SMC6: variants seen among roughly 807,000 people sequenced by gnomAD.
SMC6 encodes the protein structural maintenance of chromosomes 6, also known as structural maintenance of chromosomes protein 6.
A neutral mutation model predicts 142.2 loss-of-function variants in SMC6; 79 were observed. The ratio of observed to expected loss-of-function variants is 0.56; its 90% CI spans 0.46 to 0.67. SMC6 has a LOEUF of 0.67. Among genes scored for constraint, SMC6 ranks in the 30% least tolerant of loss-of-function variants. The pLI is 0.00. For synonymous variants in SMC6, 411 were observed against 412.4 expected, an observed-to-expected ratio of 1.00 and a Z score of 0.04; for missense variants, 1,072 against 1,284.0, an observed-to-expected ratio of 0.83 and a Z score of 2.52.
At position 17,664,323 on chromosome 2, in the gene SMC6, A is replaced by C. The variant is rs1450312116; in HGVS notation, c.*1176T>G. 1 of 152,186 alleles carries C rather than the reference A, an allele frequency of 6.6e-6. No individual in the cohort carries two copies. Among genetic ancestry groups the C allele is most frequent in the Non-Finnish European group, 1.5e-5 (1 of 68,042 alleles). 9.4% of individuals were successfully genotyped at this position (152,186 alleles called of 1,614,324 possible). A position where few individuals can be genotyped will look rare whatever the true frequency, so the allele number is the denominator to read the frequency against. ...TTTGGCAAACCTCAATTTAAGACTA[A>C]AGTATCTTAAACTTCTTCCTCCACC... On this transcript the variant is annotated 3_prime_UTR_variant, in exon 28 of 28. Transcript: ENST00000448223.
rs575124021 is a variant in SMC6, at chr2:17,700,340, C to A, written c.2262G>T (p.Met754Ile). 1 of 1,607,232 alleles carries A rather than the reference C, an allele frequency of 6.2e-7. No homozygotes were observed. The highest frequency in any genetic ancestry group is 1.3e-5 in the African/African-American group (1 of 74,432). The change falls in exon 21 of 28, where the codon ATG (methionine) becomes ATT (isoleucine). Residue 754 changes from methionine (M) to isoleucine (I), a missense_variant. Physicochemically the swap from Met to Ile is conservative, Grantham distance 10. Around this residue, in one of 3 missense-constraint regions of SMC6, gnomAD observed 994 missense variants for 1,153.2 expected, o/e 0.86. Transcript: ENST00000448223. ...TTTGTTGCTCCATATGTTCCTCAAC[C>A]ATTTTCATTTTGCTTTTATTTTCCT... Reference protein sequence around the residue: ...EAQENKSKMKMVEEHMEQQKE... With the variant: ...EAQENKSKMKIVEEHMEQQKE...
At chr2:17,721,972 T>C (rs1485900304) in intron 9 of SMC6, among the ~76,000 whole-genome samples, 1 of 152,204 alleles carries the variant, frequency 6.6e-6, no homozygotes, top group East Asian at 1.9e-4. Context: ...ACAATTTCTG[T>C]AGCTTATGGA....
At chr2:17,704,251 A>G (rs1474094690) in intron 18 of SMC6, among the ~76,000 whole-genome samples, 1 of 152,198 alleles carries the variant, frequency 6.6e-6, no homozygotes, top group African/African-American at 2.4e-5. Flanking sequence ...TGGACCAACT[A>G]GGGGAGAAGA....
In SMC6 at chr2:17,686,738, C is replaced by T. The variant is rs116597486; in HGVS notation, c.2679-2975G>A. On this transcript the variant is annotated intron_variant, in intron 23 of 27. Coordinates refer to ENST00000448223, the MANE Select transcript of SMC6 (RefSeq NM_001142286.2). Reference sequence around the variant, plus strand: ...ATGGATATGTATGTTACATTTTTTACTAAGTACTTATGTGTGAATTAGTGT... The same window carrying T: ...ATGGATATGTATGTTACATTTTTTATTAAGTACTTATGTGTGAATTAGTGT... Among the ~76,000 whole-genome samples, 737 of 152,116 alleles carry T rather than the reference C, an allele frequency of 4.8e-3. 4 individuals are homozygous for T. Among genetic ancestry groups the T allele is most frequent in the African/African-American group, 0.016 (684 of 41,470 alleles).
intron 23 of SMC6, among the ~76,000 whole-genome samples, chr2:17,685,483 C>T (rs1018533011): frequency 7.2e-5 from 11 of 152,038 alleles, no homozygotes; most frequent in South Asian, 2.1e-4. Flanking sequence ...ACTTGTAAAA[C>T]ATAGAAAATA....
intron 3 of SMC6, among the ~76,000 whole-genome samples, chr2:17,743,821 C>T (rs1159479994): frequency 6.6e-6 from 1 of 152,172 alleles, no homozygotes; most frequent in Non-Finnish European, 1.5e-5. Context: ...TTCAGAACGT[C>T]ATATAGTTGG....
At chr2:17,682,753 C>A (rs1352289468) in intron 24 of SMC6, among the ~76,000 whole-genome samples, 1 of 151,926 alleles carries the variant, frequency 6.6e-6, no homozygotes, top group Non-Finnish European at 1.5e-5. Context: ...TCTAACAAGG[C>A]TAAAAGTAGC....
At chr2:17,738,931 G>C (rs1250324167) in intron 4 of SMC6, among the ~76,000 whole-genome samples, 1 of 152,026 alleles carries the variant, frequency 6.6e-6, no homozygotes, top group Non-Finnish European at 1.5e-5. Flanking sequence ...TTATAGATGT[G>C]AGCCACTGGG....
intron 23 of SMC6, among the ~76,000 whole-genome samples, chr2:17,688,496 G>T (rs1667561054): frequency 6.6e-6 from 1 of 151,870 alleles, no homozygotes; most frequent in Admixed American, 6.6e-5. Flanking sequence ...GCCCGGGAGG[G>T]AGAGGTTGCA....
At chr2:17,670,329 TA>T in intron 26 of SMC6, 93 bp downstream of exon 26, 1 of 1,281,146 alleles carries the variant, frequency 7.8e-7, no homozygotes, top group Admixed American at 2.4e-5. Flanking sequence ...TCTTTCCTGT[TA>T]GGGGTAAAAC....
chr2:17,720,091 G>A (rs777778008), intron 11 of SMC6, among the ~76,000 whole-genome samples: 2 of 152,168 alleles, frequency 1.3e-5, no homozygotes, highest in Non-Finnish European at 2.9e-5. Flanking sequence ...ACAGCATGAG[G>A]AGCCCCACAG....
rs1483240214 is a variant in SMC6, at chr2:17,677,684, C to T, written c.2910+1175G>A. 2.6e-5 allele frequency among the ~76,000 whole-genome samples: 4 copies of T among 152,256 alleles called. No individual in the cohort carries two copies. The East Asian group carries it at 5.8e-4, about 22-fold the overall frequency. On this transcript the variant is annotated intron_variant, in intron 25 of 27. Coordinates refer to ENST00000448223, the MANE Select transcript of SMC6 (RefSeq NM_001142286.2). ...GAGAACAATAGACTACCATGACATA[C>T]TACCTTCCCTATCAATAAGCACAAT...
intron 23 of SMC6, among the ~76,000 whole-genome samples, chr2:17,686,327 C>A (rs1667452472): frequency 6.6e-6 from 1 of 151,986 alleles, no homozygotes; most frequent in Non-Finnish European, 1.5e-5. Context: ...ACTAAAAATA[C>A]AAAAATTAGC....
chr2:17,693,672 A>G (rs1022595731), intron 23 of SMC6, among the ~76,000 whole-genome samples: 2 of 152,004 alleles, frequency 1.3e-5, no homozygotes, highest in African/African-American at 4.8e-5. Flanking sequence ...CATGTACCCT[A>G]AAAGTATAAT....
intron 16 of SMC6, chr2:17,713,720 C>A: frequency 3.2e-6 from 1 of 317,264 alleles, no homozygotes; most frequent in South Asian, 2.6e-5. Context: ...ATTGATTTTG[C>A]CCAAATCTCT....
chr2:17,687,319 G>A (rs916709052), intron 23 of SMC6, among the ~76,000 whole-genome samples: 3 of 152,086 alleles, frequency 2.0e-5, no homozygotes, highest in Non-Finnish European at 4.4e-5. Flanking sequence ...ATCTGTAACT[G>A]CAAAATACTG....
rs867299830 is a variant in SMC6, at chr2:17,703,444, A to G, written c.2007-152T>C. The G allele has an allele frequency of 5.8e-5, 35 of 606,292 alleles. No individual in the cohort carries two copies. In the South Asian group the frequency reaches 9.1e-4, roughly 16 times the overall value. 37.6% of individuals were successfully genotyped at this position (606,292 alleles called of 1,614,324 possible). A position where few individuals can be genotyped will look rare whatever the true frequency, so the allele number is the denominator to read the frequency against. On this transcript the variant is annotated intron_variant, in intron 18 of 27. Coordinates refer to ENST00000448223, the MANE Select transcript of SMC6 (RefSeq NM_001142286.2). ...AGTTCTATAATCCTACCAAGCTATT[A>G]ATCATGAAAATCTATTGCAGACATT...
Position 17,738,400 on chromosome 2 carries a change from CAA to C in SMC6, c.239-76_239-75del, listed in dbSNP as rs1402903345. The C allele has an allele frequency of 3.1e-6, 3 of 968,014 alleles. No individual in the cohort carries two copies. In the African/African-American group the frequency reaches 5.0e-5, roughly 16 times the overall value. The allele number at this position is 968,014 out of a possible 1,614,324, so 60.0% of individuals were successfully genotyped here. ...AAAAGCTGACTCCTACCATGTAATG[CAA>C]AAAGATTTATGAATGAGACTCACTT... On this transcript the variant is annotated intron_variant, in intron 4 of 27. Transcript: ENST00000448223.
At chr2:17,743,202 C>T (rs1670563267) in intron 3 of SMC6, among the ~76,000 whole-genome samples, 1 of 152,102 alleles carries the variant, frequency 6.6e-6, no homozygotes, top group Non-Finnish European at 1.5e-5. Context: ...TATATACCTA[C>T]AAAATATCTT....
Sources: gnomAD v4.1 joint callset for allele counts (sites outside exome capture counted in the v4.1 genomes callset) on GRCh38, gnomAD v4.1.1 for gene constraint, gnomAD v4.1.1 regional missense constraint, MANE v1.5 for transcripts, NCBI Gene and HGNC (gene_info 2026-07-23, HGNC 2026-07-21) for gene names.